ARHGAP15: variants seen among roughly 807,000 people sequenced by gnomAD.
The protein encoded by ARHGAP15 is rho GTPase-activating protein 15.
A neutral mutation model predicts 63.7 loss-of-function variants in ARHGAP15; 51 were observed. That is an observed-to-expected ratio of 0.80 (90% confidence interval 0.64 to 1.01). The LOEUF is 1.01. ARHGAP15 is among the 50% of genes least tolerant of loss of function. The pLI, the probability that ARHGAP15 is intolerant of heterozygous loss-of-function variation, is 0.00. For synonymous variants in ARHGAP15, 191 were observed against 193.8 expected, an observed-to-expected ratio of 0.99 and a Z score of 0.12; for missense variants, 560 against 564.6, an observed-to-expected ratio of 0.99 and a Z score of 0.08.
intron 6 of ARHGAP15, among the ~76,000 whole-genome samples, chr2:143,268,582 A>G (rs780614704): frequency 9.9e-5 from 15 of 152,168 alleles, no homozygotes; most frequent in Non-Finnish European, 1.9e-4. Flanking sequence ...TCATTGTACT[A>G]GTTTATTTTT....
In ARHGAP15 at chr2:143,134,838, G is replaced by C. The variant is rs1261166349; in HGVS notation, c.-15+5372G>C. Among the ~76,000 whole-genome samples the C allele has an allele frequency of 2.6e-5, 4 of 151,952 alleles. No homozygotes were observed. The East Asian group carries it at 5.8e-4, about 22-fold the overall frequency. ...ATTTTTAGTAGAGTCGGGGTTTCAC[G>C]GTGTTAGCCAGGATGGTGTCGATCT... On this transcript the variant is annotated intron_variant, in intron 1 of 13. Coordinates refer to ENST00000295095, the MANE Select transcript of ARHGAP15 (RefSeq NM_018460.4).
intron 5 of ARHGAP15, among the ~76,000 whole-genome samples, chr2:143,231,851 C>A (rs1005084289): frequency 6.6e-6 from 1 of 152,178 alleles, no homozygotes; most frequent in Non-Finnish European, 1.5e-5. Context: ...TGTATCCTCA[C>A]ATGGCAGAGG....
Position 143,658,325 on chromosome 2 carries a change from G to A in ARHGAP15, c.1138+34058G>A, listed in dbSNP as rs189709534. Reference sequence around the variant, plus strand: ...GTATAGGCAGTAATGGACAGAGCAGGGTAGAACTTCGGGTGTATTTGTATC... The same window carrying A: ...GTATAGGCAGTAATGGACAGAGCAGAGTAGAACTTCGGGTGTATTTGTATC... On this transcript the variant is annotated intron_variant, in intron 12 of 13. Transcript: ENST00000295095. Among the ~76,000 whole-genome samples, 60 of 152,240 alleles carry A rather than the reference G, an allele frequency of 3.9e-4. No individual in the cohort carries two copies. In the Middle Eastern group the frequency reaches 0.01, roughly 26 times the overall value.
chr2:143,271,719 G>T (rs761228855), intron 6 of ARHGAP15, among the ~76,000 whole-genome samples: 1 of 152,130 alleles, frequency 6.6e-6, no homozygotes, highest in African/African-American at 2.4e-5. Context: ...CTCGTGATCC[G>T]CCCGCCTTGG....
chr2:143,711,653 G>A (rs1190893882), intron 13 of ARHGAP15, among the ~76,000 whole-genome samples: 1 of 152,224 alleles, frequency 6.6e-6, no homozygotes, highest in Non-Finnish European at 1.5e-5. Context: ...TGTAGGCTAA[G>A]CACTGTCGCT....
intron 6 of ARHGAP15, among the ~76,000 whole-genome samples, chr2:143,430,007 CA>C (rs1689310951): frequency 6.6e-6 from 1 of 151,986 alleles, no homozygotes; most frequent in Non-Finnish European, 1.5e-5. Flanking sequence ...CCAATTAAAA[CA>C]AAAATGGATC....
chr2:143,764,263 C>T (rs1486626073), intron 13 of ARHGAP15, among the ~76,000 whole-genome samples: 1 of 152,144 alleles, frequency 6.6e-6, no homozygotes, highest in East Asian at 1.9e-4. Flanking sequence ...GAGTCCCCCA[C>T]GGTGGCCCAG....
intron 13 of ARHGAP15, chr2:143,706,592 A>G (rs1684338382): frequency 6.6e-6 from 1 of 152,172 alleles, no homozygotes; most frequent in South Asian, 2.1e-4. Context: ...TAGAAGGTAA[A>G]TGCAAATCCT....
chr2:143,513,923 A>G (rs377205746), intron 9 of ARHGAP15, among the ~76,000 whole-genome samples: 1 of 152,150 alleles, frequency 6.6e-6, no homozygotes, highest in Non-Finnish European at 1.5e-5. Context: ...AAATAACTCA[A>G]TATCTCTGGG....
rs562677969 is a variant in ARHGAP15, at chr2:143,736,469, G to A, written c.1245-31520G>A. Among the ~76,000 whole-genome samples, 22 of 151,912 alleles carry A rather than the reference G, an allele frequency of 1.4e-4. No individual in the cohort carries two copies. In the South Asian group the frequency reaches 4.6e-3, roughly 32 times the overall value. On this transcript the variant is annotated intron_variant, in intron 13 of 13. Transcript: ENST00000295095. ...AGTAGAGTACAGTGATAGGAGATAAGGCTTTGGAATTAAATAGAGTAGGGT... is the reference window on the plus strand; with the variant it reads ...AGTAGAGTACAGTGATAGGAGATAAAGCTTTGGAATTAAATAGAGTAGGGT...
intron 11 of ARHGAP15, among the ~76,000 whole-genome samples, chr2:143,592,880 A>G (rs988404722): frequency 1.3e-5 from 2 of 152,170 alleles, no homozygotes; most frequent in African/African-American, 4.8e-5. Flanking sequence ...AACCATTCGA[A>G]GGGAATTGCC....
At chr2:143,134,411 A>C (rs1416797955) in intron 1 of ARHGAP15, among the ~76,000 whole-genome samples, 1 of 152,166 alleles carries the variant, frequency 6.6e-6, no homozygotes, top group African/African-American at 2.4e-5. Flanking sequence ...ACTGCATCTC[A>C]ACACAGTTTT....
At chr2:143,286,389 A>T (rs934747375) in intron 6 of ARHGAP15, among the ~76,000 whole-genome samples, 18 of 152,250 alleles carry the variant, frequency 1.2e-4, no homozygotes, top group African/African-American at 4.3e-4. Context: ...CACACATAAA[A>T]TACATGAGAA....
At chr2:143,763,644 CAAATTGCATATATAT>C (rs1281065735) in intron 13 of ARHGAP15, among the ~76,000 whole-genome samples, 3 of 149,342 alleles carry the variant, frequency 2.0e-5, no homozygotes, top group Non-Finnish European at 4.4e-5. Context: ...CATATATATG[CAAATTGCATATATAT>C]AAATTGCATA....
At chr2:143,628,666 A>C (rs991518941) in intron 12 of ARHGAP15, among the ~76,000 whole-genome samples, 1 of 152,116 alleles carries the variant, frequency 6.6e-6, no homozygotes, top group Non-Finnish European at 1.5e-5. Flanking sequence ...TCCAGCCTGG[A>C]GAAGGTAGTG....
chr2:143,281,868 T>A (rs1681867741), intron 6 of ARHGAP15, among the ~76,000 whole-genome samples: 2 of 152,208 alleles, frequency 1.3e-5, no homozygotes, highest in Non-Finnish European at 2.9e-5. Context: ...TGCTGAATTA[T>A]GTGAAAGTGT....
At chr2:143,404,156 AG>A (rs954048265) in intron 6 of ARHGAP15, among the ~76,000 whole-genome samples, 2 of 151,870 alleles carry the variant, frequency 1.3e-5, no homozygotes, top group African/African-American at 4.8e-5. Flanking sequence ...TGGCATCAGT[AG>A]GGGTTAGAAT....
rs138587352 is a variant in ARHGAP15, at chr2:143,406,497, G to A, written c.475-29104G>A. Reference sequence around the variant, plus strand: ...CTTTATGATATGTGTAGACAATTGTGTTTACATCATTGTGTTCTTTAAATC... The same window carrying A: ...CTTTATGATATGTGTAGACAATTGTATTTACATCATTGTGTTCTTTAAATC... On this transcript the variant is annotated intron_variant, in intron 6 of 13. Transcript: ENST00000295095. Among the ~76,000 whole-genome samples the A allele has an allele frequency of 7.8e-4, 119 of 151,948 alleles. 1 individual carries two copies. The East Asian group carries it at 0.021, about 26-fold the overall frequency.
intron 12 of ARHGAP15, among the ~76,000 whole-genome samples, chr2:143,692,903 C>G (rs1359494060): frequency 6.6e-6 from 1 of 152,156 alleles, no homozygotes; most frequent in African/African-American, 2.4e-5. Flanking sequence ...CTGCAAGATA[C>G]TGCACCTCAG....
Sources: gnomAD v4.1 joint callset for allele counts (sites outside exome capture counted in the v4.1 genomes callset) on GRCh38, gnomAD v4.1.1 for gene constraint, MANE v1.5 for transcripts, NCBI Gene and HGNC (gene_info 2026-07-23, HGNC 2026-07-21) for gene names.